Variants in PEBP4 observed in about 807,000 individuals in gnomAD.
PEBP4 encodes phosphatidylethanolamine-binding protein 4.
Under a neutral mutation model 23.9 loss-of-function variants are expected in PEBP4, and 22 were observed. That is an observed-to-expected ratio of 0.92 (90% CI 0.66 to 1.31). The LOEUF (loss-of-function observed/expected upper bound fraction) is 1.31, where lower values mean the gene tolerates loss of function less well. Among genes scored for constraint, PEBP4 ranks in the 40% most tolerant of loss-of-function variants. The pLI is 0.00. For missense variants in PEBP4, 324 were observed against 281.7 expected (o/e 1.15, Z -1.07); for synonymous variants, 112 against 99.3 (o/e 1.13, Z -0.76).
intron 3 of PEBP4, chr8:22,886,387 G>A (rs1808376404): frequency 6.6e-6 from 1 of 152,212 alleles, no homozygotes; most frequent in Non-Finnish European, 1.5e-5. Context: ...TCAGTTAGCA[G>A]CTGTGGGACC....
chr8:22,904,658 C>T (rs370178018), intron 3 of PEBP4, among the ~76,000 whole-genome samples: 33 of 152,182 alleles, frequency 2.2e-4, no homozygotes, highest in African/African-American at 7.5e-4. Context: ...TTGATATATT[C>T]TCCGTTCGCC....
chr8:22,815,809 G>A (rs1194467966), intron 4 of PEBP4, among the ~76,000 whole-genome samples: 1 of 152,210 alleles, frequency 6.6e-6, no homozygotes, highest in Non-Finnish European at 1.5e-5. Context: ...CAGAGCTCCT[G>A]TGAGAGGTCC....
chr8:22,927,498 C>G, intron 2 of PEBP4, 86 bp downstream of exon 2: 1 of 1,453,734 alleles, frequency 6.9e-7, no homozygotes, highest in South Asian at 1.5e-5. Context: ...GGAGATGGTG[C>G]TTCTTGGTTC....
At position 22,735,540 on chromosome 8, in the gene PEBP4, T is replaced by C. The variant is rs969162497; in HGVS notation, c.358-8320A>G. 2.6e-5 allele frequency among the ~76,000 whole-genome samples: 4 copies of C among 152,146 alleles called. No homozygotes were observed. The East Asian group carries it at 7.7e-4, about 29-fold the overall frequency. ...GAAGGCTAGAAATGCAGGATGGGGA[T>C]AAGACTGGAATGGTAGGCAGTGCCT... On this transcript the variant is annotated intron_variant, in intron 4 of 6. Transcript: ENST00000256404.
chr8:22,735,172 G>A (rs1563198477), intron 4 of PEBP4, among the ~76,000 whole-genome samples: 1 of 152,202 alleles, frequency 6.6e-6, no homozygotes, highest in Non-Finnish European at 1.5e-5. Context: ...GGTATAAGGA[G>A]CCTCTGATCT....
At chr8:22,910,882 C>A (rs896982582) in intron 3 of PEBP4, among the ~76,000 whole-genome samples, 1 of 152,162 alleles carries the variant, frequency 6.6e-6, no homozygotes, top group Non-Finnish European at 1.5e-5. Context: ...TGCCATCACG[C>A]ATTTGTAGAA....
intron 3 of PEBP4, among the ~76,000 whole-genome samples, chr8:22,849,118 G>T (rs929812983): frequency 6.6e-6 from 1 of 152,188 alleles, no homozygotes; most frequent in Non-Finnish European, 1.5e-5. Context: ...AGCAAGAATG[G>T]CTGGGTAAGG....
At chr8:22,866,792 G>A (rs1003185760) in intron 3 of PEBP4, among the ~76,000 whole-genome samples, 9 of 151,436 alleles carry the variant, frequency 5.9e-5, no homozygotes, top group Admixed American at 5.9e-4. Flanking sequence ...TTTTCTTCAC[G>A]GAATATGAAT....
rs374451229 is a variant in PEBP4, at chr8:22,911,114, A to G, written c.258+9070T>C. 9.8e-5 allele frequency among the ~76,000 whole-genome samples: 15 copies of G among 152,298 alleles called. No individual in the cohort carries two copies. The East Asian group carries it at 2.9e-3, about 29-fold the overall frequency. On this transcript the variant is annotated intron_variant, in intron 3 of 6. Coordinates refer to ENST00000256404, the MANE Select transcript of PEBP4 (RefSeq NM_144962.3). ...TGAACCTAAGACTGCTCTAAAACAT[A>G]AAGTCTATTAAAAATAAATAAATAA...
chr8:22,881,050 G>A (rs183273176), intron 3 of PEBP4, among the ~76,000 whole-genome samples: 1 of 152,352 alleles, frequency 6.6e-6, no homozygotes, highest in Admixed American at 6.5e-5. Context: ...TTTGGGTTGA[G>A]CCATCTAGAG....
chr8:22,715,519 A>C (rs1804398603), intron 6 of PEBP4, among the ~76,000 whole-genome samples: 1 of 152,220 alleles, frequency 6.6e-6, no homozygotes, highest in Admixed American at 6.5e-5. Flanking sequence ...ACCGTAGGGC[A>C]GGAAGGAACC....
At chr8:22,888,160 T>TC (rs1169321458) in intron 3 of PEBP4, 3 of 150,932 alleles carry the variant, frequency 2.0e-5, no homozygotes, top group Admixed American at 6.6e-5. Flanking sequence ...CACTTCTTTT[T>TC]TTTTTTTTTT....
At chr8:22,788,441 A>G (rs1012577124) in intron 4 of PEBP4, among the ~76,000 whole-genome samples, 1 of 152,202 alleles carries the variant, frequency 6.6e-6, no homozygotes. Context: ...AGGCCCTAGA[A>G]GCCCTGAGTT....
At chr8:22,877,168 C>T (rs1808137620) in intron 3 of PEBP4, among the ~76,000 whole-genome samples, 2 of 152,182 alleles carry the variant, frequency 1.3e-5, no homozygotes, top group Admixed American at 1.3e-4. Context: ...TCAAACAGCC[C>T]TCAGCCTCAG....
At chr8:22,766,071 C>G (rs1171790746) in intron 4 of PEBP4, among the ~76,000 whole-genome samples, 2 of 152,254 alleles carry the variant, frequency 1.3e-5, no homozygotes, top group African/African-American at 4.8e-5. Context: ...GCAGCCAGCT[C>G]CTTGGCCTAA....
At chr8:22,902,721 GGAGTT>G (rs911786893) in intron 3 of PEBP4, among the ~76,000 whole-genome samples, 1 of 152,230 alleles carries the variant, frequency 6.6e-6, no homozygotes, top group African/African-American at 2.4e-5. Context: ...CTGCCCAGGA[GGAGTT>G]AAGTTTCCAA....
intron 3 of PEBP4, among the ~76,000 whole-genome samples, chr8:22,851,243 C>T (rs1285218683): frequency 2.0e-5 from 3 of 152,144 alleles, no homozygotes; most frequent in Admixed American, 6.5e-5. Flanking sequence ...TTCTGGAAGA[C>T]GGATGCGAAA....
intron 3 of PEBP4, among the ~76,000 whole-genome samples, chr8:22,912,649 G>A (rs928937710): frequency 6.6e-6 from 1 of 152,218 alleles, no homozygotes; most frequent in Non-Finnish European, 1.5e-5. Flanking sequence ...AGGAGGATCT[G>A]TCCTGTGAAG....
chr8:22,867,456 T>C (rs1807929947), intron 3 of PEBP4, among the ~76,000 whole-genome samples: 1 of 152,184 alleles, frequency 6.6e-6, no homozygotes, highest in African/African-American at 2.4e-5. Context: ...GAGGTCTCCT[T>C]AGCACACCAG....
Sources: allele counts gnomAD v4.1 joint callset (sites outside exome capture counted in the v4.1 genomes callset), GRCh38; gene constraint gnomAD v4.1.1; transcripts MANE v1.5; gene names NCBI Gene and HGNC (gene_info 2026-07-23, HGNC 2026-07-21).